OPCML: variants seen among roughly 807,000 people sequenced by gnomAD.
OPCML encodes opioid-binding protein/cell adhesion molecule.
OPCML carries 13 observed loss-of-function variants against 37.8 expected under a neutral mutation model. The ratio of observed to expected loss-of-function variants is 0.34; its 90% CI spans 0.22 to 0.55. OPCML has a LOEUF of 0.55. Ranked by LOEUF, OPCML falls within the 20% of genes least tolerant of loss-of-function variation. The pLI is 0.91. For synonymous variants in OPCML, 176 were observed against 168.8 expected (o/e 1.04, Z -0.33); for missense variants, 341 against 435.6 (o/e 0.78, Z 1.93).
intron 1 of OPCML, among the ~76,000 whole-genome samples, chr11:132,998,324 T>C (rs943756490): frequency 1.3e-5 from 2 of 152,188 alleles, no homozygotes; most frequent in African/African-American, 4.8e-5. Flanking sequence ...TGTAAGTCTA[T>C]GAGGCAAAGG....
chr11:133,039,372 C>A (rs1284983062), intron 1 of OPCML, among the ~76,000 whole-genome samples: 2 of 152,198 alleles, frequency 1.3e-5, no homozygotes, highest in African/African-American at 4.8e-5. Context: ...ACATTTATTG[C>A]ATTTCCCCCA....
chr11:133,459,228 A>G (rs1243603485), intron 1 of OPCML, among the ~76,000 whole-genome samples: 2 of 152,100 alleles, frequency 1.3e-5, no homozygotes, highest in Admixed American at 6.6e-5. Context: ...TATAGAATAT[A>G]CACAAAAGGA....
intron 1 of OPCML, among the ~76,000 whole-genome samples, chr11:133,387,301 T>A (rs1041654983): frequency 1.3e-5 from 2 of 152,192 alleles, no homozygotes; most frequent in African/African-American, 4.8e-5. Flanking sequence ...TCACTTGACA[T>A]GACAGGACCA....
chr11:132,927,795 C>T (rs10791262), intron 2 of OPCML, among the ~76,000 whole-genome samples: 30,830 of 151,648 alleles, frequency 0.2, 3,851 homozygotes, highest in Non-Finnish European at 0.29. Flanking sequence ...ATGTATAAAC[C>T]AATAATTTGT....
At chr11:132,639,099 A>G (rs1940695455) in intron 3 of OPCML, among the ~76,000 whole-genome samples, 1 of 152,210 alleles carries the variant, frequency 6.6e-6, no homozygotes, top group African/African-American at 2.4e-5. Context: ...CATTCAAAAG[A>G]TGTTGGCAAC....
intron 1 of OPCML, among the ~76,000 whole-genome samples, chr11:133,147,975 C>T (rs1020053633): frequency 1.3e-5 from 2 of 152,196 alleles, no homozygotes; most frequent in African/African-American, 4.8e-5. Context: ...CATCCCTCCC[C>T]ACCCCAGCTG....
intron 1 of OPCML, among the ~76,000 whole-genome samples, chr11:133,384,557 G>A (rs562555162): frequency 7.0e-4 from 106 of 152,318 alleles, no homozygotes; most frequent in Non-Finnish European, 1.4e-3. Flanking sequence ...ATCAAATTGA[G>A]ATGCAAGTTA....
chr11:133,447,546 A>C (rs890417556), intron 1 of OPCML, among the ~76,000 whole-genome samples: 1 of 151,898 alleles, frequency 6.6e-6, no homozygotes, highest in Non-Finnish European at 1.5e-5. Context: ...ATGACTTCCC[A>C]TTGTCTATTG....
At chr11:132,703,269 G>A (rs187157483) in intron 2 of OPCML, among the ~76,000 whole-genome samples, 33 of 152,206 alleles carry the variant, frequency 2.2e-4, no homozygotes, top group African/African-American at 7.9e-4. Context: ...GTAGGCAATT[G>A]TAACACAAGG....
At chr11:132,663,384 C>T (rs1313007733) in intron 2 of OPCML, among the ~76,000 whole-genome samples, 1 of 152,196 alleles carries the variant, frequency 6.6e-6, no homozygotes, top group Admixed American at 6.5e-5. Flanking sequence ...GAATCTATAT[C>T]TTTATCTGTA....
intron 1 of OPCML, among the ~76,000 whole-genome samples, chr11:133,521,057 A>G (rs1948386946): frequency 6.6e-6 from 1 of 152,198 alleles, no homozygotes; most frequent in Non-Finnish European, 1.5e-5. Flanking sequence ...AGAGGAAGTC[A>G]CAGAAAATGG....
At chr11:132,721,268 T>G (rs1944662930) in intron 2 of OPCML, among the ~76,000 whole-genome samples, 3 of 152,174 alleles carry the variant, frequency 2.0e-5, no homozygotes, top group South Asian at 4.1e-4. Flanking sequence ...TTTGGATGTC[T>G]GCATGCTGAG....
chr11:133,031,594 T>C (rs1591930955), intron 1 of OPCML, among the ~76,000 whole-genome samples: 1 of 148,902 alleles, frequency 6.7e-6, no homozygotes, highest in Non-Finnish European at 1.5e-5. Context: ...GGATGGGTGG[T>C]GGATGGAGGG....
chr11:132,589,316 G>A (rs2096480191), intron 3 of OPCML, among the ~76,000 whole-genome samples: 1 of 152,050 alleles, frequency 6.6e-6, no homozygotes, highest in Non-Finnish European at 1.5e-5. Context: ...CCATGTGGAT[G>A]CTATAAAAAA....
In OPCML at chr11:132,419,408, T is replaced by C. The variant is rs2095949649; in HGVS notation, c.*785A>G. 6.6e-6 allele frequency: 1 copy of C among 152,192 alleles called. No homozygotes were observed. 9.4% of individuals were successfully genotyped at this position (152,192 alleles called of 1,614,324 possible). On this transcript the variant is annotated 3_prime_UTR_variant, in exon 8 of 8. Transcript: ENST00000524381. ...GATAGATAGCTTGACAAAACCTAAATAAATCAGCCACCTATCAATCACGTT... is the reference window on the plus strand; with the variant it reads ...GATAGATAGCTTGACAAAACCTAAACAAATCAGCCACCTATCAATCACGTT...
chr11:132,724,270 C>T (rs895739721), intron 2 of OPCML, among the ~76,000 whole-genome samples: 14 of 152,104 alleles, frequency 9.2e-5, no homozygotes, highest in African/African-American at 2.7e-4. Flanking sequence ...TGATCAAGTT[C>T]GTTCAGAATT....
intron 2 of OPCML, among the ~76,000 whole-genome samples, chr11:132,709,194 G>A (rs1487373038): frequency 6.6e-6 from 1 of 152,122 alleles, no homozygotes; most frequent in Non-Finnish European, 1.5e-5. Context: ...ATGGAAACAT[G>A]TCAGCATACT....
intron 1 of OPCML, among the ~76,000 whole-genome samples, chr11:133,235,667 C>A (rs1266896956): frequency 6.6e-6 from 1 of 152,076 alleles, no homozygotes; most frequent in East Asian, 1.9e-4. Flanking sequence ...CTCAACAGAC[C>A]CCAAAAAATT....
intron 2 of OPCML, among the ~76,000 whole-genome samples, chr11:132,782,917 G>GTATATATATATATA (rs59984496): frequency 3.0e-4 from 38 of 125,076 alleles, no homozygotes; most frequent in African/African-American, 6.4e-4. Context: ...TATAGTGTGT[G>GTATATATATATATA]TATATATATA....
Sources: gnomAD v4.1 joint callset for allele counts (sites outside exome capture counted in the v4.1 genomes callset) on GRCh38, gnomAD v4.1.1 for gene constraint, MANE v1.5 for transcripts, NCBI Gene and HGNC (gene_info 2026-07-23, HGNC 2026-07-21) for gene names.